PASK: variants seen among roughly 807,000 people sequenced by gnomAD.
PASK encodes the protein PAS domain containing serine/threonine kinase, also known as PAS domain-containing serine/threonine-protein kinase.
In PASK, 110 loss-of-function variants were observed where a neutral mutation model predicts 121.0. The observed-to-expected ratio is 0.91, with a 90% CI of 0.78 to 1.06. The LOEUF is 1.06. PASK is among the 50% of genes least tolerant of loss of function. The pLI, the probability that PASK is intolerant of heterozygous loss-of-function variation, is 0.00. For synonymous variants in PASK, 686 were observed against 717.8 expected, an observed-to-expected ratio of 0.96 and a Z score of 0.71; for missense variants, 1,643 against 1,702.3, an observed-to-expected ratio of 0.97 and a Z score of 0.61.
rs1466256693 is a variant in PASK at position 241,133,001 on chromosome 2, C to A, written c.1336G>T (p.Gly446Cys). 1 of 1,613,984 alleles carries A rather than the reference C, an allele frequency of 6.2e-7. No homozygotes were observed. The highest frequency in any genetic ancestry group is 8.5e-7 in the Non-Finnish European group (1 of 1,180,012). ...DPRINVVLAG[G>C]HVVPRDEIRK... ...ATCTCATCTCGGGGCACAACGTGGC[C>A]ACCAGCAAGCACGACATTAATCCTT... Residue 446 changes from glycine (G) to cysteine (C), a missense_variant, in exon 9 of 18, where the codon GGC becomes TGC. By Grantham distance (159) the Gly-to-Cys change is radical. Around this residue, in one of 3 missense-constraint regions of PASK, gnomAD observed 1,176 missense variants for 1,162.2 expected, o/e 1.01. Transcript: ENST00000234040.
At position 241,123,932 on chromosome 2, in the gene PASK, T is replaced by G; in HGVS notation, c.2904+17A>C. 2 of 1,608,732 alleles carry G rather than the reference T, an allele frequency of 1.2e-6. No homozygotes were observed. The highest frequency in any genetic ancestry group is 1.7e-6 in the Non-Finnish European group (2 of 1,176,166). The stretch of plus-strand genomic sequence containing the variant: ...TACAAGGCAAGTCCAGGGCAGGCAT[T>G]GATTGCAAATACCCACTTCCACCAG... On this transcript the variant is annotated intron_variant, in intron 11 of 17. Coordinates refer to ENST00000234040, the MANE Select transcript of PASK (RefSeq NM_015148.4).
Position 241,112,778 on chromosome 2 carries a change from C to G in PASK, c.3334-339G>C. 3.1e-6 allele frequency: 1 copy of G among 322,064 alleles called. No individual in the cohort carries two copies. The highest frequency in any genetic ancestry group is 2.2e-5 in the African/African-American group (1 of 45,926). 20.0% of individuals were successfully genotyped at this position (322,064 alleles called of 1,614,324 possible). A position where few individuals can be genotyped will look rare whatever the true frequency, so the allele number is the denominator to read the frequency against. ...GCCTATTTCAGGAGGAAAGACAGGC[C>G]ACAAAGCCACAGCTCAAAGACACTC... On this transcript the variant is annotated intron_variant, in intron 14 of 17. Transcript: ENST00000234040. The surrounding 1 kb of genome is among the most constrained non-coding windows in gnomAD (Gnocchi z 5.2).
At chr2:241,125,136 T>TA (rs1439032104) in intron 10 of PASK, among the ~76,000 whole-genome samples, 7 of 150,410 alleles carry the variant, frequency 4.7e-5, no homozygotes, top group Non-Finnish European at 7.4e-5. Flanking sequence ...CTGTCTCTAC[T>TA]AAAAAAACAA....
At chr2:241,119,302 C>T (rs149172211) in intron 12 of PASK, among the ~76,000 whole-genome samples, 2,452 of 152,242 alleles carry the variant, frequency 0.016, 57 homozygotes, top group African/African-American at 0.056. Flanking sequence ...GCCTGGGCTG[C>T]GTGCCCTGTG....
intron 15 of PASK, among the ~76,000 whole-genome samples, chr2:241,111,794 GCTCCACCTTCAGCACGAATC>G (rs1286883577): frequency 6.6e-6 from 1 of 152,198 alleles, no homozygotes; most frequent in Non-Finnish European, 1.5e-5. Flanking sequence ...CCAGCCAAGG[GCTCCACCTTCAGCACGAATC>G]CTCTGCCTCG....
intron 9 of PASK, among the ~76,000 whole-genome samples, chr2:241,131,615 G>A (rs535414868): frequency 6.6e-6 from 1 of 152,240 alleles, no homozygotes; most frequent in South Asian, 2.1e-4. Context: ...TCAACGGCAG[G>A]CAGTCTAACC....
At chr2:241,109,159 C>T (rs371973346) in intron 15 of PASK, 2 of 153,250 alleles carry the variant, frequency 1.3e-5, no homozygotes, top group East Asian at 3.9e-4. Context: ...CGTAAACATC[C>T]TCATCCATGC....
chr2:241,138,591 C>A, intron 5 of PASK, 63 bp downstream of exon 5: 1 of 1,584,320 alleles, frequency 6.3e-7, no homozygotes. Flanking sequence ...CCAGCACTTG[C>A]TGAAGAGGAG....
At chr2:241,131,914 C>T (rs761908980) in intron 9 of PASK, among the ~76,000 whole-genome samples, 26 of 151,934 alleles carry the variant, frequency 1.7e-4, no homozygotes, top group African/African-American at 4.6e-4. Flanking sequence ...ATTAGCCGGG[C>T]GTGGTGGCAG....
chr2:241,137,837 T>A, intron 6 of PASK, 116 bp downstream of exon 6: 1 of 1,125,606 alleles, frequency 8.9e-7, no homozygotes, highest in Admixed American at 1.7e-5. Context: ...AAACTGAGCA[T>A]GTCCCACCCC....
chr2:241,109,328 G>A (rs2065011187), intron 15 of PASK: 1 of 152,536 alleles, frequency 6.6e-6, no homozygotes, highest in South Asian at 2.1e-4. Flanking sequence ...ACGCACCAGA[G>A]CCAGGTCACC....
At chr2:241,136,134 A>C (rs2066416351) in intron 7 of PASK, 95 bp from the exon 8 acceptor site, 1 of 1,115,624 alleles carries the variant, frequency 9.0e-7, no homozygotes, top group South Asian at 1.2e-5. Context: ...AAGGAGAGCC[A>C]GTCCCTGAGG....
Position 241,137,010 on chromosome 2 carries a change from C to A in PASK, c.1131G>T (p.Leu377=). 6.2e-7 allele frequency: 1 copy of A among 1,613,040 alleles called. No individual in the cohort carries two copies. Among genetic ancestry groups the A allele is most frequent in the Non-Finnish European group, 8.5e-7 (1 of 1,179,962 alleles). The change falls in exon 7 of 18, where the codon CTG becomes CTT. Residue 377 remains leucine (L), a synonymous_variant. Transcript: ENST00000234040. ...GCGCCCAGGGCAGCCCCACCTTGCC[C>A]AGGAGCTCCGTCTTTCCGTAACCAA... ...TLFGYGKTEL[L]GKNITFLIPG... is the part of the protein sequence containing the mutation.
chr2:241,116,814 G>T (rs2065392051), intron 12 of PASK, among the ~76,000 whole-genome samples: 2 of 152,272 alleles, frequency 1.3e-5, no homozygotes, highest in African/African-American at 4.8e-5. Flanking sequence ...AACCCAGCGG[G>T]TGCCAACCAC....
chr2:241,149,632 G>A, upstream of PASK: 1 of 1,538,748 alleles, frequency 6.5e-7, no homozygotes, highest in Middle Eastern at 1.7e-4. Context: ...GCGCTTCGGA[G>A]GAGCCAAAGG....
chr2:241,142,834 T>C lies in PASK; in HGVS notation c.196+3A>G. ...AAGGCCTGCAGTGGTCGAAGGTCAT[T>C]ACCAGAGAGCGCTGTCCTGCTCTGG... On this transcript the variant is annotated splice_donor_region_variant and intron_variant, in intron 2 of 17. Coordinates refer to ENST00000234040, the MANE Select transcript of PASK (RefSeq NM_015148.4). The C allele has an allele frequency of 1.2e-6, 2 of 1,608,352 alleles. No homozygotes were observed. Among genetic ancestry groups the C allele is most frequent in the Non-Finnish European group, 1.7e-6 (2 of 1,175,564 alleles).
intron 3 of PASK, 101 bp from the exon 4 acceptor site, chr2:241,140,156 T>C: frequency 2.2e-6 from 2 of 923,466 alleles, no homozygotes; most frequent in Non-Finnish European, 3.5e-6. Flanking sequence ...AGCCTTTTCC[T>C]GACAGACAGG....
chr2:241,129,595 G>T (rs1231518111), intron 9 of PASK, among the ~76,000 whole-genome samples: 1 of 152,244 alleles, frequency 6.6e-6, no homozygotes, highest in African/African-American at 2.4e-5. Flanking sequence ...ATATTTCAGT[G>T]TTGGGGGCTT....
Position 241,112,679 on chromosome 2 carries a change from A to C in PASK, c.3334-240T>G. The C allele has an allele frequency of 2.0e-6, 1 of 489,236 alleles. No individual in the cohort carries two copies. Among genetic ancestry groups the C allele is most frequent in the Non-Finnish European group, 3.7e-6 (1 of 270,624 alleles). The allele number at this position is 489,236 out of a possible 1,614,324, so 30.3% of individuals were successfully genotyped here. Reference sequence around the variant, plus strand: ...GTTAGCCGGCAAGGTGGCAACATCAATGAGACTCGTGAGTTCTGTTTGCTG... The same window carrying C: ...GTTAGCCGGCAAGGTGGCAACATCACTGAGACTCGTGAGTTCTGTTTGCTG... On this transcript the variant is annotated intron_variant, in intron 14 of 17. Transcript: ENST00000234040. This position sits in a 1 kb window ranked among gnomAD's most constrained non-coding sequence, Gnocchi z 5.2.
Sources: allele counts gnomAD v4.1 joint callset (sites outside exome capture counted in the v4.1 genomes callset), GRCh38; gene constraint gnomAD v4.1.1; regional missense constraint gnomAD v4.1.1; non-coding constraint Gnocchi (gnomAD v3.1); transcripts MANE v1.5; gene names NCBI Gene and HGNC (gene_info 2026-07-23, HGNC 2026-07-21).